The following DPP6 variants were observed in gnomAD, a reference collection of about 807,000 sequenced individuals.
The protein encoded by DPP6 is A-type potassium channel modulatory protein DPP6.
A neutral mutation model predicts 122.6 loss-of-function variants in DPP6; 69 were observed. The observed-to-expected ratio is 0.56, with a 90% CI of 0.46 to 0.69. The LOEUF is 0.69. Ranked by LOEUF, DPP6 falls within the 30% of genes least tolerant of loss-of-function variation. The pLI is 0.00. For missense variants in DPP6, 928 were observed against 1,116.9 expected, an observed-to-expected ratio of 0.83 and a Z score of 2.41; for synonymous variants, 418 against 433.1, an observed-to-expected ratio of 0.97 and a Z score of 0.43.
At chr7:154,125,206 C>T (rs1303118020) in intron 1 of DPP6, among the ~76,000 whole-genome samples, 1 of 152,206 alleles carries the variant, frequency 6.6e-6, no homozygotes, top group Non-Finnish European at 1.5e-5. Flanking sequence ...AGACATGACA[C>T]TCTGCTGTGT....
At chr7:154,233,718 C>A (rs1428303787) in intron 1 of DPP6, among the ~76,000 whole-genome samples, 2 of 152,218 alleles carry the variant, frequency 1.3e-5, no homozygotes, top group African/African-American at 2.4e-5. Flanking sequence ...AAGAAACCAA[C>A]CCTGATGACA....
chr7:154,154,941 C>T (rs1796608678), intron 1 of DPP6, among the ~76,000 whole-genome samples: 1 of 152,142 alleles, frequency 6.6e-6, no homozygotes, highest in Non-Finnish European at 1.5e-5. Flanking sequence ...TGCACAGCTG[C>T]TCTCTCTGAA....
intron 1 of DPP6, among the ~76,000 whole-genome samples, chr7:154,389,615 A>G (rs1814436689): frequency 6.6e-6 from 1 of 152,202 alleles, no homozygotes; most frequent in East Asian, 1.9e-4. Context: ...TTTAGTGCCT[A>G]AATATTTATA....
the DPP6 span, among the ~76,000 whole-genome samples, chr7:153,830,992 A>G: frequency 3.1e-3 from 474 of 152,328 alleles, 4 homozygotes; most frequent in African/African-American, 0.011. Flanking sequence ...ACTTTTACAG[A>G]TCACATCAGG....
chr7:153,886,336 G>T (rs551006646), upstream of DPP6, among the ~76,000 whole-genome samples: 1 of 152,168 alleles, frequency 6.6e-6, no homozygotes, highest in Non-Finnish European at 1.5e-5. Context: ...AGGTGGAGAC[G>T]GGAACCCAGG....
intron 1 of DPP6, among the ~76,000 whole-genome samples, chr7:154,389,080 A>T (rs956505827): frequency 7.9e-5 from 12 of 152,176 alleles, no homozygotes; most frequent in Non-Finnish European, 1.8e-4. Context: ...CCGTCCCCGC[A>T]GTGAGCACCC....
chr7:154,789,147 T>C (rs1467547179), intron 10 of DPP6, among the ~76,000 whole-genome samples: 1 of 152,218 alleles, frequency 6.6e-6, no homozygotes, highest in Non-Finnish European at 1.5e-5. Flanking sequence ...TGTTCTGACT[T>C]TTTAGGTGCT....
chr7:154,389,938 A>C (rs1192455642), intron 1 of DPP6, among the ~76,000 whole-genome samples: 8 of 152,246 alleles, frequency 5.3e-5, no homozygotes, highest in Admixed American at 5.2e-4. Flanking sequence ...AATAGCTGTT[A>C]CTACAAATAT....
At chr7:154,842,970 C>G (rs750520319) in intron 16 of DPP6, among the ~76,000 whole-genome samples, 57 of 152,304 alleles carry the variant, frequency 3.7e-4, no homozygotes, top group Non-Finnish European at 6.2e-4. Context: ...CAGAGAGAAT[C>G]CTAGTGAACA....
chr7:154,333,052 G>A (rs577599099), intron 1 of DPP6, among the ~76,000 whole-genome samples: 22 of 152,254 alleles, frequency 1.4e-4, no homozygotes, highest in African/African-American at 2.4e-4. Context: ...GCCAGCTCCC[G>A]TCTCAGAGAA....
chr7:154,345,187 C>A, intron 1 of DPP6, among the ~76,000 whole-genome samples: 1 of 152,062 alleles, frequency 6.6e-6, no homozygotes, highest in East Asian at 1.9e-4. Context: ...TCTTCTTGGT[C>A]TCCACACCGG....
At chr7:154,847,911 G>A (rs1297395091) in intron 16 of DPP6, among the ~76,000 whole-genome samples, 1 of 152,144 alleles carries the variant, frequency 6.6e-6, no homozygotes, top group Non-Finnish European at 1.5e-5. Flanking sequence ...ATATAAGTGA[G>A]ATCATGTGAC....
the DPP6 span, among the ~76,000 whole-genome samples, chr7:153,820,181 C>T: frequency 1.3e-4 from 20 of 152,258 alleles, no homozygotes; most frequent in South Asian, 8.3e-4. Context: ...TAGTACAAGC[C>T]TCAACATTAC....
At chr7:154,596,564 C>CA (rs540732545) in intron 5 of DPP6, among the ~76,000 whole-genome samples, 41 of 147,430 alleles carry the variant, frequency 2.8e-4, no homozygotes, top group African/African-American at 5.2e-4. Context: ...CAGAAACTTC[C>CA]AAAAAAAAAA....
chr7:153,936,422 C>T (rs867002639), intron 1 of DPP6, among the ~76,000 whole-genome samples: 8 of 152,172 alleles, frequency 5.3e-5, no homozygotes, highest in Non-Finnish European at 5.9e-5. Flanking sequence ...CGTCACCCCA[C>T]GGCCTCCACC....
At chr7:154,124,559 T>A (rs1429283503) in intron 1 of DPP6, among the ~76,000 whole-genome samples, 2 of 152,206 alleles carry the variant, frequency 1.3e-5, no homozygotes, top group African/African-American at 4.8e-5. Context: ...TGATGTATTT[T>A]CAACAGTGCA....
At chr7:153,804,043 A>AT in the DPP6 span, among the ~76,000 whole-genome samples, 1 of 130,824 alleles carries the variant, frequency 7.6e-6, no homozygotes, top group Non-Finnish European at 1.6e-5. Context: ...TTGCACTATA[A>AT]TCCCTAGTAC....
intron 21 of DPP6, 125 bp from the exon 22 acceptor site, chr7:154,885,508 A>T: frequency 1.5e-6 from 2 of 1,328,872 alleles, no homozygotes; most frequent in Non-Finnish European, 2.0e-6. Context: ...TCCAAGTGAC[A>T]CATTTTGTAA....
At chr7:153,906,852 G>A (rs919173699) in intron 1 of DPP6, among the ~76,000 whole-genome samples, 1 of 152,108 alleles carries the variant, frequency 6.6e-6, no homozygotes, top group East Asian at 1.9e-4. Context: ...TCATATGGCC[G>A]AGTAGTATTC....
Sources: gnomAD v4.1 joint callset for allele counts (sites outside exome capture counted in the v4.1 genomes callset) on GRCh38, gnomAD v4.1.1 for gene constraint, MANE v1.5 for transcripts, NCBI Gene and HGNC (gene_info 2026-07-23, HGNC 2026-07-21) for gene names.